Variants in SEC63 observed in about 807,000 individuals in gnomAD.
SEC63 encodes SEC63 protein translocation regulator.
In SEC63, 56 loss-of-function variants were observed where a neutral mutation model predicts 116.2. That is an observed-to-expected ratio of 0.48 (90% CI 0.39 to 0.60). SEC63 has a LOEUF of 0.60. Among genes scored for constraint, SEC63 ranks in the 20% least tolerant of loss-of-function variants. The pLI, the probability that SEC63 is intolerant of heterozygous loss-of-function variation, is 0.00. For missense variants in SEC63, 668 were observed against 900.0 expected, an observed-to-expected ratio of 0.74 and a Z score of 3.30; for synonymous variants, 273 against 294.6, an observed-to-expected ratio of 0.93 and a Z score of 0.75.
intron 18 of SEC63, among the ~76,000 whole-genome samples, chr6:107,880,654 T>C (rs193029173): frequency 3.0e-4 from 45 of 152,318 alleles, no homozygotes; most frequent in Non-Finnish European, 5.1e-4. Flanking sequence ...CCCACAGCCA[T>C]GGGCTCACAC....
rs566978796 is a variant in SEC63, at chr6:107,948,043, C to T, written c.124+9843G>A. Among the ~76,000 whole-genome samples, 7 of 152,274 alleles carry T rather than the reference C, an allele frequency of 4.6e-5. No homozygotes were observed. In the South Asian group the frequency reaches 1.5e-3, roughly 32 times the overall value. ...TCAAATCTTTACCATTTACTAAACA[C>T]CTCCATGCTTTTGCATATACTTTCC... is the stretch of plus-strand genomic sequence containing the variant. On this transcript the variant is annotated intron_variant, in intron 1 of 20. Coordinates refer to ENST00000369002, the MANE Select transcript of SEC63 (RefSeq NM_007214.5).
chr6:107,901,474 G>T lies in SEC63; in HGVS notation c.1253C>A (p.Ser418Ter). Residue 418 changes from serine to a stop codon, truncating the protein, a stop_gained, in exon 13 of 21, where the codon TCA (serine) becomes TAA (stop). Transcript: ENST00000369002. LOFTEE classifies it high-confidence loss of function. The stretch of plus-strand genomic sequence containing the variant: ...GAAGTGCAGTAGAGTGTGACGATCT[G>T]ATTCTTTTAAACTCACCAAATCCTG... Reference protein sequence around the residue: ...TIQDLVSLKESDRHTLLHFLE... With the variant: ...TIQDLVSLKE 1 of 1,606,396 alleles carries T rather than the reference G, an allele frequency of 6.2e-7. No homozygotes were observed. Among genetic ancestry groups the T allele is most frequent in the Non-Finnish European group, 8.5e-7 (1 of 1,173,722 alleles).
intron 14 of SEC63, among the ~76,000 whole-genome samples, chr6:107,894,635 A>G (rs1415792689): frequency 6.6e-6 from 1 of 152,256 alleles, no homozygotes; most frequent in Non-Finnish European, 1.5e-5. Context: ...CTATACTAGA[A>G]GATGACATGC....
Position 107,958,184 on chromosome 6 carries a change from CCGCCGT to C in SEC63, c.-181_-176del. 1.1e-6 allele frequency: 1 copy of C among 941,558 alleles called. No homozygotes were observed. Among genetic ancestry groups the C allele is most frequent in the Admixed American group, 2.2e-5 (1 of 45,314 alleles). The allele number at this position is 941,558 out of a possible 1,614,324, so 58.3% of individuals were successfully genotyped here. On this transcript the variant is annotated 5_prime_UTR_variant, in exon 1 of 21. Transcript: ENST00000369002. Reference sequence around the variant, plus strand: ...GCCGCCGCCACCTCTGCCGCTGCCGCCGCCGTCGCCAGCTCTCGCGAGAGGAGATAG... The same window carrying C: ...GCCGCCGCCACCTCTGCCGCTGCCGCCGCCAGCTCTCGCGAGAGGAGATAG...
intron 1 of SEC63, among the ~76,000 whole-genome samples, chr6:107,933,532 TC>T (rs1787857045): frequency 6.6e-6 from 1 of 152,162 alleles, no homozygotes; most frequent in Non-Finnish European, 1.5e-5. Flanking sequence ...ACAACCTGAC[TC>T]TAATAATGAG....
Position 107,869,224 on chromosome 6 carries a change from T to A in SEC63, c.*2480A>T, listed in dbSNP as rs1786067859. The stretch of plus-strand genomic sequence containing the variant: ...TAAAAAAAAAATTATGAAAAATGTT[T>A]AAAAAATTCAAAAAGGACATGAACA... On this transcript the variant is annotated 3_prime_UTR_variant, in exon 21 of 21. Coordinates refer to ENST00000369002, the MANE Select transcript of SEC63 (RefSeq NM_007214.5). 6.6e-6 allele frequency: 1 copy of A among 152,108 alleles called. No individual in the cohort carries two copies. The allele number at this position is 152,108 out of a possible 1,614,324, so 9.4% of individuals were successfully genotyped here. A position where few individuals can be genotyped will look rare whatever the true frequency, so the allele number is the denominator to read the frequency against.
intron 14 of SEC63, among the ~76,000 whole-genome samples, chr6:107,896,397 C>A (rs906784851): frequency 1.3e-5 from 2 of 151,890 alleles, no homozygotes; most frequent in Non-Finnish European, 2.9e-5. Flanking sequence ...ACCTGGGAGG[C>A]AGAGGTTGCA....
Position 107,941,817 on chromosome 6 carries a change from G to A in SEC63, c.125-12303C>T, listed in dbSNP as rs371900056. On this transcript the variant is annotated intron_variant, in intron 1 of 20. Coordinates refer to ENST00000369002, the MANE Select transcript of SEC63 (RefSeq NM_007214.5). ...GTAAGGGCCCTTTTGCAGTGTTGAC[G>A]ATACCTGGTGCTTATCTCCACTGCA... 1.7e-3 allele frequency among the ~76,000 whole-genome samples: 252 copies of A among 152,302 alleles called. 1 individual carries two copies. The highest frequency in any genetic ancestry group is 2.7e-3 in the Non-Finnish European group (184 of 68,020).
In SEC63 at chr6:107,913,438, A is replaced by G. The variant is rs374073392; in HGVS notation, c.453-11T>C. 3.2e-5 allele frequency: 52 copies of G among 1,611,240 alleles called. No individual in the cohort carries two copies. Among genetic ancestry groups the G allele is most frequent in the Non-Finnish European group, 4.2e-5 (50 of 1,177,612 alleles). On this transcript the variant is annotated splice_polypyrimidine_tract_variant and intron_variant, in intron 4 of 20. Coordinates refer to ENST00000369002, the MANE Select transcript of SEC63 (RefSeq NM_007214.5). ...TCTTCATCCGTTAAACTAGCATCAA[A>G]AGAACAAAGTTGCAAAATTAGAAAG... is the stretch of plus-strand genomic sequence containing the variant.
At chr6:107,912,408 C>T (rs933074689) in intron 6 of SEC63, among the ~76,000 whole-genome samples, 1 of 152,134 alleles carries the variant, frequency 6.6e-6, no homozygotes, top group Non-Finnish European at 1.5e-5. Context: ...CATGGCAAAA[C>T]CCCATCTCTA....
chr6:107,885,577 T>C lies in SEC63; in HGVS notation c.1675-2431A>G, dbSNP rs550281993. On this transcript the variant is annotated intron_variant, in intron 16 of 20. Coordinates refer to ENST00000369002, the MANE Select transcript of SEC63 (RefSeq NM_007214.5). ...ATTGTTAACATGTCAATTCTCCCCA[T>C]AATGAACCATGGATTCAATGCAATA... is the stretch of plus-strand genomic sequence containing the variant. Among the ~76,000 whole-genome samples, 10 of 152,308 alleles carry C rather than the reference T, an allele frequency of 6.6e-5. No homozygotes were observed. The South Asian group carries it at 2.1e-3, about 32-fold the overall frequency.
chr6:107,910,113 T>C (rs966735632), intron 7 of SEC63, among the ~76,000 whole-genome samples: 1 of 152,150 alleles, frequency 6.6e-6, no homozygotes, highest in African/African-American at 2.4e-5. Flanking sequence ...TCCCAATGAT[T>C]CCTAAATAAA....
At chr6:107,903,716 C>T (rs1358844087) in intron 11 of SEC63, among the ~76,000 whole-genome samples, 1 of 152,112 alleles carries the variant, frequency 6.6e-6, no homozygotes, top group African/African-American at 2.4e-5. Flanking sequence ...ATAAAAATTA[C>T]ATGACATATG....
At chr6:107,891,969 G>A (rs1786693200) in intron 16 of SEC63, among the ~76,000 whole-genome samples, 1 of 152,194 alleles carries the variant, frequency 6.6e-6, no homozygotes, top group Non-Finnish European at 1.5e-5. Flanking sequence ...GCCAGCCAGA[G>A]CTCTCCTGTA....
intron 16 of SEC63, among the ~76,000 whole-genome samples, chr6:107,889,347 C>A (rs534660143): frequency 6.6e-6 from 1 of 152,166 alleles, no homozygotes; most frequent in East Asian, 1.9e-4. Flanking sequence ...GGAATTTATC[C>A]ATTTCTTCTA....
At chr6:107,897,524 G>C in intron 14 of SEC63, 125 bp downstream of exon 14, 1 of 733,534 alleles carries the variant, frequency 1.4e-6, no homozygotes, top group Non-Finnish European at 2.4e-6. Context: ...TTTCAAAAGA[G>C]TTAACAGAAT....
chr6:107,912,900 G>T, intron 5 of SEC63, 126 bp from the exon 6 acceptor site: 1 of 757,896 alleles, frequency 1.3e-6, no homozygotes, highest in Non-Finnish European at 2.3e-6. Flanking sequence ...CAAACTTTGA[G>T]AAAGATTATC....
intron 16 of SEC63, among the ~76,000 whole-genome samples, chr6:107,884,265 AAAG>A (rs1786479293): frequency 6.6e-6 from 1 of 151,826 alleles, no homozygotes; most frequent in African/African-American, 2.4e-5. Flanking sequence ...AAAAAAAAAA[AAAG>A]AGCAGAGAGA....
At chr6:107,936,853 G>A (rs1203996292) in intron 1 of SEC63, among the ~76,000 whole-genome samples, 1 of 152,180 alleles carries the variant, frequency 6.6e-6, no homozygotes, top group African/African-American at 2.4e-5. Context: ...CTGTTTGCCT[G>A]CTTACCACAT....
Sources: allele counts gnomAD v4.1 joint callset (sites outside exome capture counted in the v4.1 genomes callset), GRCh38; gene constraint gnomAD v4.1.1; transcripts MANE v1.5; gene names NCBI Gene and HGNC (gene_info 2026-07-23, HGNC 2026-07-21).